Variants in DNAH14 observed in about 807,000 individuals in gnomAD.
DNAH14 encodes dynein axonemal heavy chain 14.
Under a neutral mutation model 520.9 loss-of-function variants are expected in DNAH14, and 478 were observed. That is an observed-to-expected ratio of 0.92 (90% CI 0.85 to 0.99). DNAH14 has a LOEUF of 0.99. Among genes scored for constraint, DNAH14 ranks in the 50% least tolerant of loss-of-function variants. The probability of loss-of-function intolerance (pLI) is 0.00; values close to 1 mark genes in which losing one functional copy is unlikely to be tolerated. For synonymous variants in DNAH14, 1,581 were observed against 1,757.2 expected, an observed-to-expected ratio of 0.90 and a Z score of 2.51; for missense variants, 4,831 against 5,234.5, an observed-to-expected ratio of 0.92 and a Z score of 2.38.
intron 23 of DNAH14, among the ~76,000 whole-genome samples, chr1:225,111,853 C>G (rs1435543645): frequency 6.6e-6 from 1 of 151,920 alleles, no homozygotes; most frequent in African/African-American, 2.4e-5. Context: ...TATCATGTAA[C>G]TGTTATTTTA....
At chr1:225,060,466 C>T (rs1019396958) in intron 17 of DNAH14, among the ~76,000 whole-genome samples, 2 of 152,158 alleles carry the variant, frequency 1.3e-5, no homozygotes, top group East Asian at 3.9e-4. Flanking sequence ...CGACCTTCCT[C>T]CTTTAGCTCA....
chr1:225,297,118 A>T (rs1485360491), intron 55 of DNAH14, among the ~76,000 whole-genome samples: 1 of 152,046 alleles, frequency 6.6e-6, no homozygotes, highest in Non-Finnish European at 1.5e-5. Context: ...CTTTAAGTTC[A>T]GAAATTCTTT....
At chr1:225,048,597 G>A (rs544826915) in intron 15 of DNAH14, among the ~76,000 whole-genome samples, 4 of 152,194 alleles carry the variant, frequency 2.6e-5, no homozygotes, top group African/African-American at 7.2e-5. Flanking sequence ...TGGATGTATC[G>A]CAGATTGCTT....
At chr1:225,078,821 TCTCC>T (rs1240763291) in intron 17 of DNAH14, among the ~76,000 whole-genome samples, 2 of 64,968 alleles carry the variant, frequency 3.1e-5, no homozygotes, top group African/African-American at 9.5e-5. Flanking sequence ...TCTCTCTCTC[TCTCC>T]CTCTCTCTCT....
At chr1:225,111,928 ACT>A (rs998894789) in intron 23 of DNAH14, among the ~76,000 whole-genome samples, 62 of 151,420 alleles carry the variant, frequency 4.1e-4, no homozygotes, top group African/African-American at 1.4e-3. Context: ...GCTAATAAAA[ACT>A]CTGCAGTTTA....
chr1:224,946,570 T>C (rs1199195863), intron 1 of DNAH14, among the ~76,000 whole-genome samples: 1 of 152,216 alleles, frequency 6.6e-6, no homozygotes, highest in Non-Finnish European at 1.5e-5. Flanking sequence ...TTGCTCATGC[T>C]GGGAGCTGTA....
chr1:225,353,709 A>C, intron 72 of DNAH14, 94 bp from the exon 73 acceptor site: 1 of 741,218 alleles, frequency 1.3e-6, no homozygotes, highest in Non-Finnish European at 2.2e-6. Context: ...AAAAAAAGTC[A>C]CAATTTTATG....
intron 37 of DNAH14, among the ~76,000 whole-genome samples, chr1:225,190,702 GTA>G (rs1386634896): frequency 6.6e-6 from 1 of 151,986 alleles, no homozygotes; most frequent in Non-Finnish European, 1.5e-5. Context: ...AGAGGTGTGT[GTA>G]TGCACAGAGA....
intron 7 of DNAH14, among the ~76,000 whole-genome samples, chr1:224,970,857 T>A (rs2501146): frequency 7.2e-4 from 110 of 152,296 alleles, no homozygotes; most frequent in African/African-American, 2.6e-3. Flanking sequence ...ATATATTTAT[T>A]TATATGAATA....
chr1:225,256,310 T>C (rs1173333455), intron 44 of DNAH14, among the ~76,000 whole-genome samples: 5 of 152,152 alleles, frequency 3.3e-5, no homozygotes, highest in African/African-American at 9.7e-5. Context: ...TGCGCACGTG[T>C]TGGTCATCCA....
chr1:225,037,799 C>G, intron 11 of DNAH14, among the ~76,000 whole-genome samples: 1 of 152,166 alleles, frequency 6.6e-6, no homozygotes, highest in East Asian at 1.9e-4. Flanking sequence ...TCTCCTGCCT[C>G]AGCCTCCCGA....
chr1:225,062,897 G>A (rs2070362017), intron 17 of DNAH14, among the ~76,000 whole-genome samples: 1 of 152,014 alleles, frequency 6.6e-6, no homozygotes, highest in Non-Finnish European at 1.5e-5. Context: ...AATGAAAACA[G>A]CAAAAATCAG....
chr1:224,949,504 T>C (rs2060040452), intron 1 of DNAH14, among the ~76,000 whole-genome samples: 1 of 152,232 alleles, frequency 6.6e-6, no homozygotes, highest in Non-Finnish European at 1.5e-5. Context: ...TTGATTTGTT[T>C]TGTCTGATTT....
At chr1:225,160,001 A>G (rs1222029409) in intron 35 of DNAH14, among the ~76,000 whole-genome samples, 1 of 152,164 alleles carries the variant, frequency 6.6e-6, no homozygotes, top group Non-Finnish European at 1.5e-5. Flanking sequence ...CCTGCATTCC[A>G]GTATTTTCCC....
chr1:224,982,070 A>C (rs1025810071), intron 8 of DNAH14, among the ~76,000 whole-genome samples: 9 of 152,178 alleles, frequency 5.9e-5, no homozygotes, highest in African/African-American at 2.2e-4. Flanking sequence ...CCTTTGAGAC[A>C]AATGGCCCTC....
chr1:225,184,316 CAG>C (rs34021401), intron 36 of DNAH14, among the ~76,000 whole-genome samples: 19,426 of 152,070 alleles, frequency 0.13, 1,382 homozygotes, highest in East Asian at 0.31. Flanking sequence ...ACCACATAAA[CAG>C]AATTAAAAAC....
chr1:225,063,641 G>GT (rs1254655688), intron 17 of DNAH14, among the ~76,000 whole-genome samples: 1 of 152,090 alleles, frequency 6.6e-6, no homozygotes, highest in Non-Finnish European at 1.5e-5. Context: ...CAGAGACTCA[G>GT]TTGCCTGTGG....
intron 36 of DNAH14, among the ~76,000 whole-genome samples, chr1:225,179,693 T>C (rs2083745744): frequency 6.6e-6 from 1 of 152,226 alleles, no homozygotes; most frequent in South Asian, 2.1e-4. Flanking sequence ...GTATACCTGC[T>C]TTTATCAGTG....
At chr1:225,389,054 A>G (rs955906853) in intron 82 of DNAH14, among the ~76,000 whole-genome samples, 15 of 152,244 alleles carry the variant, frequency 9.9e-5, no homozygotes, top group African/African-American at 3.6e-4. Context: ...CACCGCGCCC[A>G]GCCACATGTA....
Sources: allele counts gnomAD v4.1 joint callset (sites outside exome capture counted in the v4.1 genomes callset), GRCh38; gene constraint gnomAD v4.1.1; transcripts MANE v1.5; gene names NCBI Gene and HGNC (gene_info 2026-07-23, HGNC 2026-07-21).